CDIN1: variants seen among roughly 807,000 people sequenced by gnomAD.
CDIN1 encodes the protein CDAN1-interacting nuclease 1.
In CDIN1, 33 loss-of-function variants were observed where a neutral mutation model predicts 45.3. The ratio of observed to expected loss-of-function variants is 0.73; its 90% CI spans 0.55 to 0.97. The LOEUF is 0.97. Among genes scored for constraint, CDIN1 ranks in the 50% least tolerant of loss-of-function variants. The probability of loss-of-function intolerance (pLI) is 0.00; values close to 1 mark genes in which losing one functional copy is unlikely to be tolerated. For synonymous variants in CDIN1, 118 were observed against 124.4 expected (o/e 0.95, Z 0.34); for missense variants, 303 against 339.4 (o/e 0.89, Z 0.84).
chr15:36,677,869 C>T (rs1042394934), intron 5 of CDIN1, among the ~76,000 whole-genome samples: 1 of 152,046 alleles, frequency 6.6e-6, no homozygotes, highest in African/African-American at 2.4e-5. Flanking sequence ...TAGCATTAAC[C>T]AGGTGCTTTC....
At chr15:36,598,811 T>TTTTG (rs948263743) in intron 1 of CDIN1, among the ~76,000 whole-genome samples, 4 of 152,136 alleles carry the variant, frequency 2.6e-5, no homozygotes, top group Non-Finnish European at 5.9e-5. Flanking sequence ...TAGTGAGTTT[T>TTTTG]TTTGTTTGTT....
At chr15:36,798,326 A>ACTT (rs1404802520) in intron 10 of CDIN1, among the ~76,000 whole-genome samples, 1 of 152,116 alleles carries the variant, frequency 6.6e-6, no homozygotes, top group South Asian at 2.1e-4. Context: ...GACATTTCTA[A>ACTT]CTTCTAATTT....
chr15:36,802,570 ATCT>A (rs1486345143), intron 10 of CDIN1, among the ~76,000 whole-genome samples: 1 of 152,184 alleles, frequency 6.6e-6, no homozygotes, highest in Non-Finnish European at 1.5e-5. Context: ...GAAGTTAATA[ATCT>A]TCTCCATTCT....
At chr15:36,621,305 A>G (rs1249806254) in intron 1 of CDIN1, among the ~76,000 whole-genome samples, 1 of 152,208 alleles carries the variant, frequency 6.6e-6, no homozygotes, top group Non-Finnish European at 1.5e-5. Context: ...TTCACCTTCC[A>G]ACTCTAAGTT....
intron 1 of CDIN1, among the ~76,000 whole-genome samples, chr15:36,609,939 G>C (rs964210026): frequency 5.3e-5 from 8 of 152,198 alleles, no homozygotes; most frequent in Middle Eastern, 3.2e-3. Context: ...TCTACAGTCT[G>C]AGAGAGAAAA....
chr15:36,686,536 G>T (rs934441303), intron 5 of CDIN1, among the ~76,000 whole-genome samples: 1 of 148,314 alleles, frequency 6.7e-6, no homozygotes, highest in Non-Finnish European at 1.5e-5. Flanking sequence ...ATGTGCACAT[G>T]TACCCTAAAA....
At chr15:36,688,532 G>C (rs1476462548) in intron 5 of CDIN1, among the ~76,000 whole-genome samples, 3 of 152,078 alleles carry the variant, frequency 2.0e-5, no homozygotes, top group Admixed American at 2.0e-4. Flanking sequence ...TTGTAATCCT[G>C]TTCATTGTAA....
At chr15:36,807,222 C>A (rs1313131590) in intron 10 of CDIN1, among the ~76,000 whole-genome samples, 1 of 152,146 alleles carries the variant, frequency 6.6e-6, no homozygotes, top group Non-Finnish European at 1.5e-5. Context: ...TTAGTTTTGG[C>A]AAGTACACTA....
At chr15:36,775,804 G>T (rs955118199) in intron 10 of CDIN1, among the ~76,000 whole-genome samples, 1 of 152,002 alleles carries the variant, frequency 6.6e-6, no homozygotes. Flanking sequence ...AACCTACTTC[G>T]TAATTTTACA....
intron 10 of CDIN1, among the ~76,000 whole-genome samples, chr15:36,734,679 C>T (rs1467667604): frequency 6.6e-6 from 1 of 152,146 alleles, no homozygotes; most frequent in Non-Finnish European, 1.5e-5. Context: ...CAAATATATT[C>T]ATGTTTAAAT....
At chr15:36,645,392 T>C (rs946829667) in intron 3 of CDIN1, 105 bp downstream of exon 3, 22 of 1,039,046 alleles carry the variant, frequency 2.1e-5, no homozygotes, top group African/African-American at 8.2e-5. Flanking sequence ...TCCCAAGACA[T>C]TGTGTTTTAA....
At chr15:36,775,823 A>C (rs1280489017) in intron 10 of CDIN1, among the ~76,000 whole-genome samples, 1 of 151,962 alleles carries the variant, frequency 6.6e-6, no homozygotes, top group Non-Finnish European at 1.5e-5. Flanking sequence ...CATTATGTTC[A>C]TTTTTTTCCT....
intron 3 of CDIN1, 93 bp from the exon 4 acceptor site, chr15:36,654,005 C>A: frequency 1.1e-6 from 1 of 904,018 alleles, no homozygotes; most frequent in Non-Finnish European, 1.7e-6. Flanking sequence ...TGGCATTTGT[C>A]CAGGAGAAAC....
chr15:36,709,175 T>A, intron 8 of CDIN1, 48 bp from the exon 9 acceptor site: 2 of 1,471,666 alleles, frequency 1.4e-6, no homozygotes, highest in Non-Finnish European at 1.8e-6. Flanking sequence ...ATTCCTATCT[T>A]GTTAATTGAA....
intron 10 of CDIN1, among the ~76,000 whole-genome samples, chr15:36,742,518 T>G (rs1200896792): frequency 6.6e-6 from 1 of 152,238 alleles, no homozygotes; most frequent in Non-Finnish European, 1.5e-5. Flanking sequence ...ACATTGATTA[T>G]GTAAAATAAA....
At chr15:36,664,944 TA>T (rs1437550730) in intron 5 of CDIN1, among the ~76,000 whole-genome samples, 22 of 152,224 alleles carry the variant, frequency 1.4e-4, no homozygotes, top group Admixed American at 5.2e-4. Context: ...AGGAAAGTTT[TA>T]GTTAACAAAC....
At chr15:36,703,168 T>A (rs2042704435) in intron 8 of CDIN1, among the ~76,000 whole-genome samples, 1 of 136,586 alleles carries the variant, frequency 7.3e-6, no homozygotes, top group South Asian at 2.3e-4. Flanking sequence ...CAGTGAGCCA[T>A]GATGGCACCT....
intron 10 of CDIN1, among the ~76,000 whole-genome samples, chr15:36,722,975 G>A (rs1389129172): frequency 7.6e-6 from 1 of 132,302 alleles, no homozygotes; most frequent in Non-Finnish European, 1.6e-5. Context: ...GTGTGTGTGT[G>A]TGTGTGTGTG....
intron 10 of CDIN1, among the ~76,000 whole-genome samples, chr15:36,770,382 A>G (rs1226652452): frequency 1.3e-5 from 2 of 151,738 alleles, no homozygotes; most frequent in African/African-American, 4.8e-5. Context: ...AGGAGAGGGG[A>G]GAGGGAGAAT....
Sources: gnomAD v4.1 joint callset for allele counts (sites outside exome capture counted in the v4.1 genomes callset) on GRCh38, gnomAD v4.1.1 for gene constraint, MANE v1.5 for transcripts, NCBI Gene and HGNC (gene_info 2026-07-23, HGNC 2026-07-21) for gene names.